The following MACROD2 variants were observed in gnomAD, a reference collection of about 807,000 sequenced individuals.
The protein encoded by MACROD2 is ADP-ribose glycohydrolase MACROD2.
MACROD2 carries 36 observed loss-of-function variants against 70.4 expected under a neutral mutation model. That is an observed-to-expected ratio of 0.51 (90% CI 0.39 to 0.68). The LOEUF (loss-of-function observed/expected upper bound fraction) is 0.68. MACROD2 is among the 30% of genes least tolerant of loss of function. MACROD2 has a pLI of 0.00. For synonymous variants in MACROD2, 172 were observed against 178.8 expected (o/e 0.96, Z 0.30); for missense variants, 496 against 538.4 (o/e 0.92, Z 0.78).
At chr20:15,246,590 T>A (rs2077108060) in intron 6 of MACROD2, among the ~76,000 whole-genome samples, 1 of 152,180 alleles carries the variant, frequency 6.6e-6, no homozygotes, top group Admixed American at 6.5e-5. Flanking sequence ...AATGAGGATA[T>A]TAAAAATTTG....
At chr20:14,470,574 A>G (rs1366836486) in intron 3 of MACROD2, among the ~76,000 whole-genome samples, 2 of 152,118 alleles carry the variant, frequency 1.3e-5, no homozygotes, top group African/African-American at 4.8e-5. Context: ...AGTTTTATCT[A>G]TAAACCCCTG....
chr20:15,017,046 C>T (rs2075127225), intron 5 of MACROD2, among the ~76,000 whole-genome samples: 1 of 152,144 alleles, frequency 6.6e-6, no homozygotes, highest in African/African-American at 2.4e-5. Context: ...TCATGCCTTC[C>T]CAGCAGTCCT....
intron 8 of MACROD2, among the ~76,000 whole-genome samples, chr20:15,679,551 C>T (rs759107787): frequency 3.3e-5 from 5 of 152,156 alleles, no homozygotes; most frequent in Non-Finnish European, 5.9e-5. Context: ...AGAAGTGATG[C>T]TGTGCAGGTT....
At chr20:14,554,462 G>A (rs1029942905) in intron 4 of MACROD2, 1 of 152,118 alleles carries the variant, frequency 6.6e-6, no homozygotes. Flanking sequence ...TGGAGAATCT[G>A]ACTTACTCTT....
At chr20:15,622,795 C>T (rs2049147378) in intron 8 of MACROD2, among the ~76,000 whole-genome samples, 1 of 152,184 alleles carries the variant, frequency 6.6e-6, no homozygotes, top group African/African-American at 2.4e-5. Flanking sequence ...CATAACTTTT[C>T]TTACGGTGTA....
At chr20:15,845,243 C>T (rs1431615154) in intron 8 of MACROD2, among the ~76,000 whole-genome samples, 1 of 152,098 alleles carries the variant, frequency 6.6e-6, no homozygotes, top group Non-Finnish European at 1.5e-5. Flanking sequence ...ATAAGAAGAT[C>T]ACCTGAAGAA....
intron 17 of MACROD2, among the ~76,000 whole-genome samples, chr20:16,047,187 T>G (rs1412239168): frequency 6.6e-6 from 1 of 152,068 alleles, no homozygotes; most frequent in East Asian, 1.9e-4. Context: ...CACAGAAGGG[T>G]TTGTTAAGAT....
chr20:15,088,916 A>G (rs1367517380), intron 5 of MACROD2, among the ~76,000 whole-genome samples: 2 of 152,036 alleles, frequency 1.3e-5, no homozygotes, highest in Non-Finnish European at 2.9e-5. Flanking sequence ...GTATTTATTA[A>G]TGACTGTTAT....
At chr20:15,919,922 C>G (rs742989) in intron 10 of MACROD2, among the ~76,000 whole-genome samples, 2,532 of 152,032 alleles carry the variant, frequency 0.017, 74 homozygotes, top group African/African-American at 0.058. Flanking sequence ...TGGAATAGAT[C>G]TAATGAAAAA....
At chr20:14,919,792 T>C (rs1208981913) in intron 5 of MACROD2, among the ~76,000 whole-genome samples, 1 of 152,132 alleles carries the variant, frequency 6.6e-6, no homozygotes, top group African/African-American at 2.4e-5. Context: ...GGAAGAAACG[T>C]CAATGAATGA....
chr20:14,793,115 G>A (rs2072469198), intron 5 of MACROD2, among the ~76,000 whole-genome samples: 1 of 151,968 alleles, frequency 6.6e-6, no homozygotes, highest in South Asian at 2.1e-4. Flanking sequence ...AAAGACATGG[G>A]TTACAATTTT....
At position 14,487,763 on chromosome 20, in the gene MACROD2, C is replaced by G. The variant is rs1245080758; in HGVS notation, c.272-5716C>G. Among the ~76,000 whole-genome samples the G allele has an allele frequency of 2.0e-5, 3 of 152,310 alleles. No individual in the cohort carries two copies. The South Asian group carries it at 6.2e-4, about 32-fold the overall frequency. The stretch of plus-strand genomic sequence containing the variant: ...AGGGGATTCATCGTATGGATTTCCA[C>G]TAGCCCCAAGTCCTTTTCATTTGAG... On this transcript the variant is annotated intron_variant, in intron 3 of 17. Transcript: ENST00000684519.
chr20:14,576,614 A>G (rs1487879386), intron 4 of MACROD2, among the ~76,000 whole-genome samples: 1 of 152,184 alleles, frequency 6.6e-6, no homozygotes, highest in Non-Finnish European at 1.5e-5. Context: ...ATTTGGATAT[A>G]ATTAAAAGGC....
chr20:14,455,534 C>T (rs1051564939), intron 3 of MACROD2, among the ~76,000 whole-genome samples: 1 of 151,578 alleles, frequency 6.6e-6, no homozygotes, highest in Non-Finnish European at 1.5e-5. Context: ...TAACTGAGCT[C>T]GTAAATTAGT....
intron 8 of MACROD2, among the ~76,000 whole-genome samples, chr20:15,681,461 T>G: frequency 6.6e-6 from 1 of 152,180 alleles, no homozygotes; most frequent in South Asian, 2.1e-4. Flanking sequence ...AGGCCTGACA[T>G]TGTAGCTCTT....
chr20:14,322,202 T>TATATATATATA lies in MACROD2; in HGVS notation c.272-171277_272-171276insATATATATATA, dbSNP rs1568553958. Among the ~76,000 whole-genome samples, 4 of 53,738 alleles carry TATATATATATA rather than the reference T, an allele frequency of 7.4e-5. No individual in the cohort carries two copies. In the East Asian group the frequency reaches 1.5e-3, roughly 20 times the overall value. 35.3% of individuals were successfully genotyped at this position (53,738 alleles called of 152,430 possible). ...TATATATATATATATATATATATAT[T>TATATATATATA]TTGTATTTTGCAAAGCAACTGGATT... On this transcript the variant is annotated intron_variant, in intron 3 of 17. Transcript: ENST00000684519.
intron 8 of MACROD2, among the ~76,000 whole-genome samples, chr20:15,553,518 T>C (rs189228006): frequency 8.5e-5 from 13 of 152,262 alleles, no homozygotes; most frequent in Admixed American, 5.9e-4. Flanking sequence ...CTCTGGGGCT[T>C]GAGCGATCTC....
intron 3 of MACROD2, among the ~76,000 whole-genome samples, chr20:14,485,478 A>G (rs868698233): frequency 4.5e-4 from 69 of 152,210 alleles, no homozygotes; most frequent in Middle Eastern, 6.8e-3. Flanking sequence ...GAGGCGGGCG[A>G]ATCACGAGGT....
chr20:15,292,225 T>TA (rs2077546730), intron 6 of MACROD2, among the ~76,000 whole-genome samples: 2 of 151,990 alleles, frequency 1.3e-5, no homozygotes, highest in African/African-American at 2.4e-5. Context: ...ACAATAGAGG[T>TA]AAAAAATTCC....
Sources: allele counts gnomAD v4.1 joint callset (sites outside exome capture counted in the v4.1 genomes callset), GRCh38; gene constraint gnomAD v4.1.1; transcripts MANE v1.5; gene names NCBI Gene and HGNC (gene_info 2026-07-23, HGNC 2026-07-21).